ACTN4: variants seen among roughly 807,000 people sequenced by gnomAD.
The protein encoded by ACTN4 is alpha-actinin-4.
ACTN4 carries 18 observed loss-of-function variants against 114.2 expected under a neutral mutation model. The ratio of observed to expected loss-of-function variants is 0.16; its 90% CI spans 0.11 to 0.23. The LOEUF is 0.23. Ranked by LOEUF, ACTN4 falls within the 10% of genes least tolerant of loss-of-function variation. ACTN4 has a pLI of 1.00. For missense variants in ACTN4, 722 were observed against 1,262.9 expected, an observed-to-expected ratio of 0.57 and a Z score of 6.49; for synonymous variants, 515 against 506.3, an observed-to-expected ratio of 1.02 and a Z score of -0.23.
At position 38,647,841 on chromosome 19, in the gene ACTN4, G is replaced by T; in HGVS notation, c.96G>T (p.Met32Ile). Residue 32 changes from methionine (M) to isoleucine (I), a missense_variant, in exon 1 of 21, where the codon ATG (methionine) becomes ATT (isoleucine). Transcript: ENST00000252699. ...GCGGGGGCAGCATGGGCGACTACAT[G>T]GCCCAGGAGGACGACTGGGACCGGG... ...AGGGGSMGDY[M>I]AQEDDWDRDL... The T allele has an allele frequency of 6.5e-7, 1 of 1,549,434 alleles. No individual in the cohort carries two copies. The highest frequency in any genetic ancestry group is 2.5e-5 in the East Asian group (1 of 39,496).
chr19:38,702,747 A>G (rs1482577161), intron 3 of ACTN4, among the ~76,000 whole-genome samples: 1 of 152,140 alleles, frequency 6.6e-6, no homozygotes, highest in African/African-American at 2.4e-5. Flanking sequence ...CAGAATGAGC[A>G]TATTTCCTCC....
chr19:38,666,032 C>T (rs561531266), intron 1 of ACTN4, among the ~76,000 whole-genome samples: 3 of 152,266 alleles, frequency 2.0e-5, no homozygotes, highest in African/African-American at 7.2e-5. Context: ...AAGAGGTGCA[C>T]AGGAGCCTGT....
intron 1 of ACTN4, among the ~76,000 whole-genome samples, chr19:38,665,710 G>C (rs926046091): frequency 3.9e-5 from 6 of 152,176 alleles, no homozygotes; most frequent in Admixed American, 3.9e-4. Context: ...CTGGGAGGTG[G>C]CTTCTTGTTT....
rs1268493277 is a variant in ACTN4, at chr19:38,730,142, A to AAATC, written c.*712_*715dup. The AAATC allele has an allele frequency of 6.5e-6, 1 of 154,860 alleles. No homozygotes were observed. Among genetic ancestry groups the AAATC allele is most frequent in the African/African-American group, 2.4e-5 (1 of 41,182 alleles). 9.6% of individuals were successfully genotyped at this position (154,860 alleles called of 1,614,324 possible). ...AAACAACAAAAACCAAAAAAAAAAA[A>AAATC]AATCACAAAAACAAAAAAACTATAA... On this transcript the variant is annotated 3_prime_UTR_variant, in exon 21 of 21. Coordinates refer to ENST00000252699, the MANE Select transcript of ACTN4 (RefSeq NM_004924.6).
rs566682289 is a variant in ACTN4 at position 38,717,667 on chromosome 19, G to A, written c.1144-260G>A. Reference sequence around the variant, plus strand: ...AGCGGAGGGGCAGTGCGCCCTGGACGGTACCACCTCCCCATCTATGGTATT... The same window carrying A: ...AGCGGAGGGGCAGTGCGCCCTGGACAGTACCACCTCCCCATCTATGGTATT... On this transcript the variant is annotated intron_variant, in intron 10 of 20. Transcript: ENST00000252699. The surrounding 1 kb of genome is among the most constrained non-coding windows in gnomAD (Gnocchi z 4.0). Among the ~76,000 whole-genome samples the A allele has an allele frequency of 2.6e-5, 4 of 152,292 alleles. No homozygotes were observed. Among genetic ancestry groups the A allele is most frequent in the Admixed American group, 2.0e-4 (3 of 15,300 alleles).
Position 38,730,853 on chromosome 19 carries a change from T to C in ACTN4, c.*1421T>C, listed in dbSNP as rs1969528880. 5 of 1,551,174 alleles carry C rather than the reference T, an allele frequency of 3.2e-6. No individual in the cohort carries two copies. The South Asian group carries it at 5.9e-5, about 18-fold the overall frequency. On this transcript the variant is annotated 3_prime_UTR_variant, in exon 21 of 21. Transcript: ENST00000252699. Reference sequence around the variant, plus strand: ...AGCAGGTGCGCCCATCCGGAGATCCTAGGAGAAGGTGGCCACCTCCATCCA... The same window carrying C: ...AGCAGGTGCGCCCATCCGGAGATCCCAGGAGAAGGTGGCCACCTCCATCCA...
chr19:38,725,300 TGTG>T (rs1371290319), intron 16 of ACTN4, among the ~76,000 whole-genome samples: 1 of 152,036 alleles, frequency 6.6e-6, no homozygotes, highest in East Asian at 1.9e-4. Flanking sequence ...CATGTGGACT[TGTG>T]GGTGCCGAGA....
At chr19:38,709,149 G>C (rs2057818342) in intron 6 of ACTN4, among the ~76,000 whole-genome samples, 1 of 152,136 alleles carries the variant, frequency 6.6e-6, no homozygotes, top group Non-Finnish European at 1.5e-5. Context: ...GAGTACACCT[G>C]CATTTTTCTG....
chr19:38,693,530 T>G (rs34368672), intron 1 of ACTN4: 8,635 of 152,108 alleles, frequency 0.057, 258 homozygotes, highest in South Asian at 0.099. Flanking sequence ...ACCACTCGGT[T>G]GCCCTGTGTC....
intron 1 of ACTN4, among the ~76,000 whole-genome samples, chr19:38,693,778 C>A: frequency 6.6e-6 from 1 of 152,220 alleles, no homozygotes; most frequent in East Asian, 1.9e-4. Context: ...TGCTAGGTCT[C>A]CGTCTCCCTC....
chr19:38,691,402 AAAAAAAAAAAAAC>A (rs893211715), intron 1 of ACTN4, among the ~76,000 whole-genome samples: 9 of 108,746 alleles, frequency 8.3e-5, no homozygotes, highest in African/African-American at 2.1e-4. Flanking sequence ...ACTCCGTCTC[AAAAAAAAAAAAAC>A]AAAAAAAACA....
At chr19:38,659,124 A>G (rs1976802013) in intron 1 of ACTN4, among the ~76,000 whole-genome samples, 1 of 132,210 alleles carries the variant, frequency 7.6e-6, no homozygotes, top group African/African-American at 2.8e-5. Flanking sequence ...GTAGTGGTGC[A>G]ATCTCGGCTC....
At chr19:38,673,477 A>ATATATATATTCATATATATT (rs1259854953) in intron 1 of ACTN4, among the ~76,000 whole-genome samples, 76 of 57,160 alleles carry the variant, frequency 1.3e-3, no homozygotes, top group African/African-American at 3.2e-3. Context: ...ATATATATTT[A>ATATATATATTCATATATATT]TATATATATT....
rs1969465377 is a variant in ACTN4, at chr19:38,730,194, G to GTTTTT, written c.*762_*763insTTTTT. ...AAAGAAAGAATTAAAAACTTTCAGA[G>GTTTTT]AATTACTATTTACTTTATTAACTTA... On this transcript the variant is annotated 3_prime_UTR_variant, in exon 21 of 21. Coordinates refer to ENST00000252699, the MANE Select transcript of ACTN4 (RefSeq NM_004924.6). 2 of 153,904 alleles carry GTTTTT rather than the reference G, an allele frequency of 1.3e-5. No individual in the cohort carries two copies. Among genetic ancestry groups the GTTTTT allele is most frequent in the Non-Finnish European group, 2.8e-5 (2 of 70,340 alleles). 9.5% of individuals were successfully genotyped at this position (153,904 alleles called of 1,614,324 possible). A position where few individuals can be genotyped will look rare whatever the true frequency, so the allele number is the denominator to read the frequency against.
rs778913354 is a variant in ACTN4, at chr19:38,710,387, A to G, written c.819+45A>G. ...AGGCCCTCCTCGCCGCCACCGCGCA[A>G]TGCCGCCGCTGCCTCTCGCCTCCCG... On this transcript the variant is annotated intron_variant, in intron 8 of 20. Transcript: ENST00000252699. 8.8e-6 allele frequency: 14 copies of G among 1,589,834 alleles called. No homozygotes were observed. The South Asian group carries it at 8.8e-5, about 10-fold the overall frequency.
At chr19:38,714,376 G>A (rs998199090) in intron 8 of ACTN4, 93 bp from the exon 9 acceptor site, 68 of 1,162,624 alleles carry the variant, frequency 5.8e-5, no homozygotes, top group Admixed American at 1.9e-4. Flanking sequence ...GAGGAGTTCC[G>A]TGGGCCATGG....
At chr19:38,671,092 C>G (rs546562593) in intron 1 of ACTN4, among the ~76,000 whole-genome samples, 17 of 152,044 alleles carry the variant, frequency 1.1e-4, no homozygotes, top group Non-Finnish European at 2.1e-4. Context: ...TCACTAGGAG[C>G]GAGAAAATTG....
chr19:38,729,305 A>C lies in ACTN4; in HGVS notation c.2609A>C (p.Glu870Ala). Residue 870 changes from glutamate to alanine, a missense_variant, in exon 21 of 21, where the codon GAG becomes GCG. Around this residue, in one of 3 missense-constraint regions of ACTN4, gnomAD observed 523 missense variants for 875.9 expected, o/e 0.60. Transcript: ENST00000252699. ...NFITAEELRR[E>A]LPPDQAEYCI... ...ATCACAGCTGAGGAGCTGCGGAGAG[A>C]GCTGCCCCCCGACCAGGCCGAGTAC... 1 of 1,612,710 alleles carries C rather than the reference A, an allele frequency of 6.2e-7. No homozygotes were observed. Among genetic ancestry groups the C allele is most frequent in the Non-Finnish European group, 8.5e-7 (1 of 1,179,962 alleles).
At chr19:38,723,071 A>G (rs888872426) in intron 12 of ACTN4, among the ~76,000 whole-genome samples, 1 of 152,228 alleles carries the variant, frequency 6.6e-6, no homozygotes, top group African/African-American at 2.4e-5. Flanking sequence ...TAATCCCCAC[A>G]GCAACTGTGT....
Sources: allele counts gnomAD v4.1 joint callset (sites outside exome capture counted in the v4.1 genomes callset), GRCh38; gene constraint gnomAD v4.1.1; regional missense constraint gnomAD v4.1.1; non-coding constraint Gnocchi (gnomAD v3.1); transcripts MANE v1.5; gene names NCBI Gene and HGNC (gene_info 2026-07-23, HGNC 2026-07-21).